ASAP1: variants seen among roughly 807,000 people sequenced by gnomAD.
ASAP1 encodes the protein arf-GAP with SH3 domain, ANK repeat and PH domain-containing protein 1.
Under a neutral mutation model 145.2 loss-of-function variants are expected in ASAP1, and 43 were observed. The ratio of observed to expected loss-of-function variants is 0.30; its 90% CI spans 0.23 to 0.38. ASAP1 has a LOEUF of 0.38. ASAP1 is among the 10% of genes least tolerant of loss of function. ASAP1 has a pLI of 1.00. For synonymous variants in ASAP1, 546 were observed against 515.5 expected, an observed-to-expected ratio of 1.06 and a Z score of -0.80; for missense variants, 1,018 against 1,355.3, an observed-to-expected ratio of 0.75 and a Z score of 3.91.
intron 3 of ASAP1, among the ~76,000 whole-genome samples, chr8:130,284,313 T>C (rs1287024338): frequency 6.6e-6 from 1 of 152,200 alleles, no homozygotes; most frequent in African/African-American, 2.4e-5. Context: ...ACAACCATTC[T>C]AGACAGTAGT....
At chr8:130,147,470 A>G (rs1219334770) in intron 13 of ASAP1, among the ~76,000 whole-genome samples, 3 of 152,226 alleles carry the variant, frequency 2.0e-5, no homozygotes, top group Non-Finnish European at 4.4e-5. Context: ...AAGTCTAGGC[A>G]GTCTGGCTCC....
intron 17 of ASAP1, 43 bp from the exon 18 acceptor site, chr8:130,124,147 T>C (rs1343203728): frequency 7.4e-7 from 1 of 1,343,426 alleles, no homozygotes; most frequent in Non-Finnish European, 1.0e-6. Flanking sequence ...GCAAACTCTT[T>C]GCTACTAGTT....
chr8:130,180,543 C>T (rs1209158478), intron 8 of ASAP1, among the ~76,000 whole-genome samples: 7 of 152,224 alleles, frequency 4.6e-5, no homozygotes, highest in Non-Finnish European at 1.0e-4. Flanking sequence ...TAAACAGCCC[C>T]ATAGGGCCAA....
At chr8:130,153,029 T>A (rs1005088065) in intron 12 of ASAP1, among the ~76,000 whole-genome samples, 2 of 151,848 alleles carry the variant, frequency 1.3e-5, no homozygotes, top group African/African-American at 4.8e-5. Context: ...TTTTAATTTT[T>A]TTTTTGAGAT....
intron 5 of ASAP1, among the ~76,000 whole-genome samples, chr8:130,196,452 T>C (rs979628893): frequency 6.6e-6 from 1 of 152,012 alleles, no homozygotes; most frequent in African/African-American, 2.4e-5. Context: ...TGGAGTGCCC[T>C]TAAGGGAGGG....
At chr8:130,058,856 CGA>C (rs1194961660) in intron 28 of ASAP1, among the ~76,000 whole-genome samples, 16 of 152,164 alleles carry the variant, frequency 1.1e-4, no homozygotes, top group Non-Finnish European at 2.2e-4. Flanking sequence ...AGCTGCTTTC[CGA>C]GCTCCCTTCT....
intron 2 of ASAP1, among the ~76,000 whole-genome samples, chr8:130,375,211 G>T (rs533054395): frequency 3.9e-5 from 6 of 152,072 alleles, no homozygotes; most frequent in African/African-American, 1.4e-4. Flanking sequence ...GTGCTTAGTC[G>T]CAGGGCTCTA....
At chr8:130,293,956 G>A (rs1822101936) in intron 3 of ASAP1, among the ~76,000 whole-genome samples, 1 of 152,178 alleles carries the variant, frequency 6.6e-6, no homozygotes, top group Non-Finnish European at 1.5e-5. Context: ...TGCAATTTGA[G>A]CCTCTATGTA....
intron 3 of ASAP1, among the ~76,000 whole-genome samples, chr8:130,329,915 T>C (rs1187917448): frequency 6.6e-6 from 1 of 152,214 alleles, no homozygotes; most frequent in Non-Finnish European, 1.5e-5. Flanking sequence ...AATTTTCTAG[T>C]CAACACATCC....
chr8:130,104,905 A>G (rs1022870347), intron 24 of ASAP1, among the ~76,000 whole-genome samples: 2 of 152,204 alleles, frequency 1.3e-5, no homozygotes, highest in African/African-American at 4.8e-5. Flanking sequence ...TTATCTTGAC[A>G]GTTTCTGAAA....
At chr8:130,361,665 C>T (rs1386338657) in intron 2 of ASAP1, 5 of 1,520,602 alleles carry the variant, frequency 3.3e-6, no homozygotes, top group East Asian at 2.4e-5. Context: ...CACACCTCTA[C>T]TCACCATTTC....
At chr8:130,328,553 G>A (rs1824484025) in intron 3 of ASAP1, among the ~76,000 whole-genome samples, 1 of 151,854 alleles carries the variant, frequency 6.6e-6, no homozygotes, top group Non-Finnish European at 1.5e-5. Context: ...GAGAGATGTG[G>A]GCAGTTTTAA....
chr8:130,228,466 G>C (rs913616683), intron 4 of ASAP1, among the ~76,000 whole-genome samples: 1 of 151,970 alleles, frequency 6.6e-6, no homozygotes, highest in East Asian at 1.9e-4. Flanking sequence ...TTTGGGAAGC[G>C]AAGGTGGGTG....
At chr8:130,276,550 C>T (rs773207443) in intron 3 of ASAP1, among the ~76,000 whole-genome samples, 2 of 152,124 alleles carry the variant, frequency 1.3e-5, no homozygotes, top group Non-Finnish European at 2.9e-5. Context: ...GTCCTGTAGG[C>T]TGATCCCAGG....
intron 2 of ASAP1, among the ~76,000 whole-genome samples, chr8:130,359,383 T>G (rs1045171618): frequency 1.3e-5 from 2 of 151,984 alleles, no homozygotes; most frequent in Non-Finnish European, 2.9e-5. Flanking sequence ...ATCTACTTAG[T>G]CCGAAGAATC....
Position 130,112,299 on chromosome 8 carries a change from G to C in ASAP1, c.2196C>G (p.Arg732=), listed in dbSNP as rs1430007486. ...DDKPSPIKKE[R]SPRPQSFCHS... ...GGCAGAAGCTCTGAGGTCTGGGTGA[G>C]CGCTCTTTCTTGATAGGGCTTGGCT... Residue 732 remains arginine (R), a synonymous_variant, in exon 24 of 30, where the codon CGC becomes CGG. Transcript: ENST00000518721. 1.2e-6 allele frequency: 2 copies of C among 1,614,042 alleles called. No individual in the cohort carries two copies. Among genetic ancestry groups the C allele is most frequent in the Non-Finnish European group, 1.7e-6 (2 of 1,180,002 alleles).
At chr8:130,232,034 T>C (rs1817936019) in intron 4 of ASAP1, among the ~76,000 whole-genome samples, 1 of 152,146 alleles carries the variant, frequency 6.6e-6, no homozygotes, top group African/African-American at 2.4e-5. Flanking sequence ...AGTAAGTGAG[T>C]GGTAGTTCTC....
chr8:130,135,310 G>C (rs562396343), intron 14 of ASAP1, among the ~76,000 whole-genome samples: 52 of 152,212 alleles, frequency 3.4e-4, no homozygotes, highest in African/African-American at 1.3e-3. Flanking sequence ...CAGCAACAGA[G>C]ACCCTGCCTC....
chr8:130,267,460 A>G (rs890228288), intron 3 of ASAP1, among the ~76,000 whole-genome samples: 5 of 152,170 alleles, frequency 3.3e-5, no homozygotes, highest in Admixed American at 2.6e-4. Context: ...CAAAAACCCA[A>G]TGAGATGGGA....
Sources: allele counts gnomAD v4.1 joint callset (sites outside exome capture counted in the v4.1 genomes callset), GRCh38; gene constraint gnomAD v4.1.1; transcripts MANE v1.5; gene names NCBI Gene and HGNC (gene_info 2026-07-23, HGNC 2026-07-21).